The following EVC variants were observed in gnomAD, a reference collection of about 807,000 sequenced individuals.
EVC encodes EvC ciliary complex subunit 1.
EVC carries 116 observed loss-of-function variants against 118.9 expected under a neutral mutation model. The observed-to-expected ratio is 0.98, with a 90% CI of 0.84 to 1.14. EVC has a LOEUF of 1.14. Among genes scored for constraint, EVC ranks in the 50% most tolerant of loss-of-function variants. EVC has a pLI of 0.00. For synonymous variants in EVC, 619 were observed against 534.7 expected, an observed-to-expected ratio of 1.16 and a Z score of -2.18; for missense variants, 1,401 against 1,246.4, an observed-to-expected ratio of 1.12 and a Z score of -1.87.
At chr4:5,800,859 G>A (rs1370390972) in intron 15 of EVC, among the ~76,000 whole-genome samples, 3 of 136,050 alleles carry the variant, frequency 2.2e-5, no homozygotes, top group South Asian at 4.9e-4. Context: ...CCTCCGCGCC[G>A]CGCCACACCT....
intron 4 of EVC, among the ~76,000 whole-genome samples, chr4:5,732,434 G>C (rs984820268): frequency 6.6e-6 from 1 of 152,252 alleles, no homozygotes; most frequent in African/African-American, 2.4e-5. Flanking sequence ...GGCCTTCTTG[G>C]ACTGGCCAGC....
rs149801082 is a variant in EVC, at chr4:5,800,346, AAAACAAAC to A, written c.2304+1566_2304+1573del. Among the ~76,000 whole-genome samples the A allele has an allele frequency of 1.6e-3, 247 of 152,344 alleles. 1 individual carries two copies. The highest frequency in any genetic ancestry group is 6.8e-3 in the Middle Eastern group (2 of 294). On this transcript the variant is annotated intron_variant, in intron 15 of 20. Transcript: ENST00000264956. Reference sequence around the variant, plus strand: ...GGTGACATAGCTAGACTCTGTCTAAAAAACAAACAAACAAACAAAAAACAGAAAAGCAT... The same window carrying A: ...GGTGACATAGCTAGACTCTGTCTAAAAAACAAACAAAAAACAGAAAAGCAT...
the EVC span, chr4:5,824,212 T>TAA: frequency 1.2e-6 from 1 of 806,434 alleles, no homozygotes. Context: ...CCTTGAGAGC[T>TAA]TGTGTCTTGT....
At chr4:5,762,224 A>AC (rs1732169649) in intron 11 of EVC, among the ~76,000 whole-genome samples, 1 of 89,410 alleles carries the variant, frequency 1.1e-5, no homozygotes. Flanking sequence ...CTACAAAGGT[A>AC]ATGAACTCAT....
At chr4:5,729,791 A>C (rs899688) in intron 3 of EVC, among the ~76,000 whole-genome samples, 19,438 of 152,164 alleles carry the variant, frequency 0.13, 1,720 homozygotes, top group East Asian at 0.31. Context: ...TTTGTCATGC[A>C]TCAGGCGTTT....
intron 8 of EVC, among the ~76,000 whole-genome samples, chr4:5,750,892 C>T (rs1160580861): frequency 1.3e-5 from 2 of 152,172 alleles, no homozygotes; most frequent in Non-Finnish European, 2.9e-5. Context: ...AGATGGCTTC[C>T]GTATCTCAGA....
chr4:5,761,073 C>T (rs908147489), intron 11 of EVC, among the ~76,000 whole-genome samples: 4 of 152,156 alleles, frequency 2.6e-5, no homozygotes, highest in East Asian at 1.9e-4. Flanking sequence ...GAGCTGGCTG[C>T]GCCCTCCTGG....
At chr4:5,767,212 G>A (rs889990867) in intron 11 of EVC, among the ~76,000 whole-genome samples, 3 of 152,056 alleles carry the variant, frequency 2.0e-5, no homozygotes, top group Admixed American at 2.0e-4. Context: ...TAGGCTCCTC[G>A]GGGGCCAGGG....
chr4:5,777,546 C>G (rs1734886255), intron 11 of EVC, among the ~76,000 whole-genome samples: 1 of 152,182 alleles, frequency 6.6e-6, no homozygotes, highest in Non-Finnish European at 1.5e-5. Flanking sequence ...GATGTGTCTT[C>G]TTAGACCTTG....
At chr4:5,726,854 GAAT>G (rs998200955) in intron 2 of EVC, among the ~76,000 whole-genome samples, 14 of 151,168 alleles carry the variant, frequency 9.3e-5, no homozygotes, top group Admixed American at 7.9e-4. Flanking sequence ...AGTTTACTGA[GAAT>G]GATGATTTCC....
intron 1 of EVC, among the ~76,000 whole-genome samples, chr4:5,716,241 G>A (rs539238492): frequency 6.6e-6 from 1 of 152,344 alleles, no homozygotes; most frequent in East Asian, 1.9e-4. Flanking sequence ...AAAGGTAGAG[G>A]TAAATTTCAG....
At chr4:5,767,559 G>A (rs1054080165) in intron 11 of EVC, among the ~76,000 whole-genome samples, 1 of 151,140 alleles carries the variant, frequency 6.6e-6, no homozygotes, top group Non-Finnish European at 1.5e-5. Context: ...GAGACTCCTT[G>A]GGCATAGGAC....
intron 17 of EVC, among the ~76,000 whole-genome samples, chr4:5,807,829 G>A (rs1400979537): frequency 6.6e-6 from 1 of 152,240 alleles, no homozygotes; most frequent in African/African-American, 2.4e-5. Context: ...TTTCTCATGA[G>A]AAGATGCCAC....
intron 5 of EVC, among the ~76,000 whole-genome samples, chr4:5,734,914 C>A (rs962776519): frequency 6.6e-6 from 1 of 152,198 alleles, no homozygotes; most frequent in Non-Finnish European, 1.5e-5. Context: ...TTCTCCAAGG[C>A]TCCATGCTTC....
intron 11 of EVC, among the ~76,000 whole-genome samples, chr4:5,767,719 T>C (rs1368783336): frequency 6.6e-6 from 1 of 152,178 alleles, no homozygotes; most frequent in Non-Finnish European, 1.5e-5. Flanking sequence ...CCTGACCCCT[T>C]GCGCTTCCCA....
At chr4:5,787,144 C>G (rs1742698095) in intron 12 of EVC, among the ~76,000 whole-genome samples, 1 of 152,084 alleles carries the variant, frequency 6.6e-6, no homozygotes, top group Admixed American at 6.5e-5. Flanking sequence ...TGTGAATTAC[C>G]CCGTTAGAAC....
rs776132515 is a variant in EVC at position 5,755,430 on chromosome 4, A to AGGAG, written c.1465-832_1465-829dup. On this transcript the variant is annotated intron_variant, in intron 10 of 20. Coordinates refer to ENST00000264956, the MANE Select transcript of EVC (RefSeq NM_153717.3). This position sits in a 1 kb window ranked among gnomAD's most constrained non-coding sequence, Gnocchi z 4.1. ...GACAAATGGGCAAACGAGCGAATGA[A>AGGAG]GGAGGATGGAATGGGTGGGAGAATG... Among the ~76,000 whole-genome samples the AGGAG allele has an allele frequency of 0.017, 2,612 of 151,904 alleles. 73 individuals carry two copies. The highest frequency in any genetic ancestry group is 0.058 in the African/African-American group (2,408 of 41,414).
At chr4:5,804,973 C>G (rs1715634219) in intron 17 of EVC, 132 bp downstream of exon 17, 1 of 776,738 alleles carries the variant, frequency 1.3e-6, no homozygotes, top group Non-Finnish European at 2.2e-6. Flanking sequence ...GCCTTCCTCA[C>G]CCGCTGCCTC....
chr4:5,744,720 A>T (rs781081921), intron 6 of EVC, among the ~76,000 whole-genome samples: 1 of 152,208 alleles, frequency 6.6e-6, no homozygotes, highest in Non-Finnish European at 1.5e-5. Flanking sequence ...CTAGGCTGAT[A>T]TCACACCAGA....
Sources: allele counts gnomAD v4.1 joint callset (sites outside exome capture counted in the v4.1 genomes callset), GRCh38; gene constraint gnomAD v4.1.1; non-coding constraint Gnocchi (gnomAD v3.1); transcripts MANE v1.5; gene names NCBI Gene and HGNC (gene_info 2026-07-23, HGNC 2026-07-21).